Variants in LRP1B observed in about 807,000 individuals in gnomAD.
LRP1B encodes the protein LDL receptor related protein 1B, also known as low-density lipoprotein receptor-related protein 1B.
Under a neutral mutation model 556.6 loss-of-function variants are expected in LRP1B, and 217 were observed. The ratio of observed to expected loss-of-function variants is 0.39; its 90% confidence interval spans 0.35 to 0.44. The LOEUF (loss-of-function observed/expected upper bound fraction) is 0.44, where lower values mean the gene tolerates loss of function less well. Among genes scored for constraint, LRP1B ranks in the 20% least tolerant of loss-of-function variants. The pLI, the probability that LRP1B is intolerant of heterozygous loss-of-function variation, is 1.00. For synonymous variants in LRP1B, 2,047 were observed against 1,865.8 expected, an observed-to-expected ratio of 1.10 and a Z score of -2.50; for missense variants, 5,053 against 5,620.8, an observed-to-expected ratio of 0.90 and a Z score of 3.23.
intron 41 of LRP1B, among the ~76,000 whole-genome samples, chr2:140,603,964 G>T (rs993088681): frequency 6.6e-6 from 1 of 152,044 alleles, no homozygotes; most frequent in Admixed American, 6.6e-5. Context: ...ATATGTGTGT[G>T]TGTGCACACA....
intron 2 of LRP1B, among the ~76,000 whole-genome samples, chr2:141,712,098 T>C (rs1436098063): frequency 5.3e-5 from 8 of 152,288 alleles, no homozygotes; most frequent in African/African-American, 1.9e-4. Context: ...CCAAATTCAC[T>C]TGAAAATCAA....
chr2:141,152,711 A>G (rs754932841), intron 7 of LRP1B, among the ~76,000 whole-genome samples: 3 of 151,846 alleles, frequency 2.0e-5, no homozygotes, highest in Non-Finnish European at 4.4e-5. Context: ...TATAATACCA[A>G]TAGATATTAC....
At chr2:140,647,437 A>C (rs768333925) in intron 41 of LRP1B, among the ~76,000 whole-genome samples, 4 of 152,154 alleles carry the variant, frequency 2.6e-5, no homozygotes, top group Non-Finnish European at 5.9e-5. Context: ...TTGAGTGTTT[A>C]CCATACATAA....
chr2:141,342,678 G>T (rs1365722946), intron 3 of LRP1B, among the ~76,000 whole-genome samples: 1 of 152,036 alleles, frequency 6.6e-6, no homozygotes, highest in Non-Finnish European at 1.5e-5. Context: ...AGAGCAAAAA[G>T]AATGAAAAGG....
intron 3 of LRP1B, among the ~76,000 whole-genome samples, chr2:141,405,644 A>G (rs1204702628): frequency 3.3e-5 from 5 of 152,096 alleles, no homozygotes; most frequent in African/African-American, 4.8e-5. Flanking sequence ...ACTTATTTTA[A>G]AAAATGATTA....
At chr2:141,979,691 T>G (rs1479665392) in intron 1 of LRP1B, among the ~76,000 whole-genome samples, 1 of 152,082 alleles carries the variant, frequency 6.6e-6, no homozygotes, top group Non-Finnish European at 1.5e-5. Flanking sequence ...TTGATTTGTA[T>G]TTCAGTGACA....
rs138033108 is a variant in LRP1B, at chr2:141,400,869, C to T, written c.343+79527G>A. ...AAATTCTATAGCCTGGCATCTATGC[C>T]TTCCATAATGTGGTCCGTGTTTAAT... On this transcript the variant is annotated intron_variant, in intron 3 of 90. Coordinates refer to ENST00000389484, the MANE Select transcript of LRP1B (RefSeq NM_018557.3). Among the ~76,000 whole-genome samples, 833 of 152,236 alleles carry T rather than the reference C, an allele frequency of 5.5e-3. 8 individuals are homozygous for T. The highest frequency in any genetic ancestry group is 5.3e-3 in the Non-Finnish European group (362 of 68,006).
chr2:141,177,179 T>C (rs1161685087), intron 7 of LRP1B, among the ~76,000 whole-genome samples: 1 of 152,074 alleles, frequency 6.6e-6, no homozygotes, highest in Non-Finnish European at 1.5e-5. Context: ...ATCAAACACA[T>C]AGGAGTCACA....
chr2:141,532,583 C>T (rs4264515), intron 2 of LRP1B, among the ~76,000 whole-genome samples: 147,785 of 152,014 alleles, frequency 0.97, 71,973 homozygotes, highest in East Asian at 1. Context: ...TGTCATCCTC[C>T]GGTACAAGGA....
chr2:141,061,916 A>T, intron 8 of LRP1B, 135 bp downstream of exon 8: 1 of 673,388 alleles, frequency 1.5e-6, no homozygotes, highest in Non-Finnish European at 2.6e-6. Flanking sequence ...AACATTCTCC[A>T]ATATAGGAAA....
intron 7 of LRP1B, among the ~76,000 whole-genome samples, chr2:141,151,380 A>G (rs1701920145): frequency 6.6e-6 from 1 of 152,186 alleles, no homozygotes; most frequent in Admixed American, 6.6e-5. Context: ...CTAATACCCA[A>G]GAAAGCAGGA....
At chr2:141,458,438 G>A (rs28409052) in intron 3 of LRP1B, among the ~76,000 whole-genome samples, 89,325 of 151,984 alleles carry the variant, frequency 0.59, 26,872 homozygotes, top group Non-Finnish European at 0.65. Context: ...AACGTATTTA[G>A]CCTAGTGTCA....
intron 66 of LRP1B, among the ~76,000 whole-genome samples, chr2:140,388,636 T>G (rs1683871524): frequency 6.6e-6 from 1 of 152,212 alleles, no homozygotes; most frequent in Admixed American, 6.5e-5. Flanking sequence ...TTTAACTTTT[T>G]GATCCATGAA....
chr2:140,933,911 G>A (rs571317562), intron 20 of LRP1B, among the ~76,000 whole-genome samples: 2 of 151,814 alleles, frequency 1.3e-5, no homozygotes, highest in Admixed American at 1.3e-4. Context: ...GACATCAGTT[G>A]GTTTCAGTAT....
chr2:140,279,063 C>G (rs575160368), intron 84 of LRP1B, among the ~76,000 whole-genome samples: 1 of 151,928 alleles, frequency 6.6e-6, no homozygotes, highest in African/African-American at 2.4e-5. Context: ...GTCTTTGTCC[C>G]TTTCTCTTGC....
At chr2:140,692,102 G>A (rs1686263855) in intron 41 of LRP1B, among the ~76,000 whole-genome samples, 1 of 151,992 alleles carries the variant, frequency 6.6e-6, no homozygotes, top group Non-Finnish European at 1.5e-5. Context: ...TTAGTACAGG[G>A]AGTTGCCTTC....
intron 53 of LRP1B, among the ~76,000 whole-genome samples, chr2:140,504,954 CTT>C: frequency 6.6e-6 from 1 of 152,290 alleles, no homozygotes; most frequent in East Asian, 1.9e-4. Flanking sequence ...ATTTCATTCT[CTT>C]GTTTCAAAAT....
At chr2:141,766,803 T>C (rs1349466124) in intron 2 of LRP1B, among the ~76,000 whole-genome samples, 1 of 152,166 alleles carries the variant, frequency 6.6e-6, no homozygotes, top group East Asian at 1.9e-4. Context: ...CCGTCTCTTC[T>C]ACAATTTCTT....
intron 31 of LRP1B, 77 bp from the exon 32 acceptor site, chr2:140,813,883 A>G: frequency 1.9e-6 from 2 of 1,033,122 alleles, no homozygotes; most frequent in African/African-American, 1.7e-5. Flanking sequence ...ACTGGATTTG[A>G]GGGGAAAAAA....
Sources: gnomAD v4.1 joint callset for allele counts (sites outside exome capture counted in the v4.1 genomes callset) on GRCh38, gnomAD v4.1.1 for gene constraint, MANE v1.5 for transcripts, NCBI Gene and HGNC (gene_info 2026-07-23, HGNC 2026-07-21) for gene names.